ZC4H2: variants seen among roughly 807,000 people sequenced by gnomAD.
The protein encoded by ZC4H2 is zinc finger C4H2-type containing.
For missense variants in ZC4H2, 137 were observed against 173.9 expected (o/e 0.79, Z 1.19); for synonymous variants, 84 against 66.3 (o/e 1.27, Z -1.30).
At chrX:64,978,909 T>C (rs924141829), upstream of ZC4H2, among the ~76,000 whole-genome samples, 3 of 111,419 alleles carry the variant, frequency 2.7e-5, no homozygotes, top group African/African-American at 9.8e-5. Context: ...GATTTTAAAT[T>C]TAATGTCTCT....
chrX:64,937,322 C>T (rs1208451314), intron 1 of ZC4H2, among the ~76,000 whole-genome samples: 1 of 110,882 alleles, frequency 9.0e-6, no homozygotes, highest in Non-Finnish European at 1.9e-5. Flanking sequence ...ACACAGACTC[C>T]CACACAATAA....
At chrX:64,968,530 G>C (rs1240741927) in intron 1 of ZC4H2, among the ~76,000 whole-genome samples, 1 of 111,566 alleles carries the variant, frequency 9.0e-6, no homozygotes, top group Non-Finnish European at 1.9e-5. Context: ...GGAATTGTTG[G>C]ATGCTTCAAT....
intron 1 of ZC4H2, among the ~76,000 whole-genome samples, chrX:65,033,061 G>A (rs967566609): frequency 2.7e-5 from 3 of 112,031 alleles, no homozygotes; most frequent in African/African-American, 9.7e-5. Context: ...ACAGGGGTGA[G>A]CCACCATGCC....
intron 2 of ZC4H2, among the ~76,000 whole-genome samples, chrX:64,921,604 C>G (rs758967910): frequency 9.0e-6 from 1 of 110,993 alleles, no homozygotes; most frequent in Admixed American, 9.6e-5. Flanking sequence ...AAAATGAGGC[C>G]CAGAGAGAAG....
At chrX:65,009,951 C>G (rs1932732230) in intron 1 of ZC4H2, among the ~76,000 whole-genome samples, 1 of 112,038 alleles carries the variant, frequency 8.9e-6, no homozygotes, top group South Asian at 3.7e-4. Flanking sequence ...ACTACATAAC[C>G]TAGGTAGGAA....
chrX:64,957,683 G>A (rs1207372645), intron 1 of ZC4H2, among the ~76,000 whole-genome samples: 5 of 109,053 alleles, frequency 4.6e-5, no homozygotes, highest in South Asian at 8.0e-4. Context: ...AACATAGGAA[G>A]ACCCTATCTC....
chrX:64,973,827 T>C (rs1368794131), intron 1 of ZC4H2, among the ~76,000 whole-genome samples: 1 of 111,751 alleles, frequency 8.9e-6, no homozygotes, highest in Non-Finnish European at 1.9e-5. Flanking sequence ...CAGTTTCTGA[T>C]GATAAATCTG....
intron 4 of ZC4H2, chrX:64,918,772 T>C (rs1929044882): frequency 3.9e-6 from 1 of 258,004 alleles, no homozygotes; most frequent in East Asian, 6.1e-5. Flanking sequence ...CATCTTTGTG[T>C]AAGAGTCATT....
rs1452589804 is a variant in ZC4H2, at chrX:64,954,382, ATT to A, written c.53+21941_53+21942del. Among the ~76,000 whole-genome samples the A allele has an allele frequency of 1.9e-4, 14 of 75,266 alleles. 1 individual carries two copies. The highest frequency in any genetic ancestry group is 1.2e-3 in the African/African-American group (12 of 10,191). 65.4% of individuals were successfully genotyped at this position (75,266 alleles called of 115,157 possible). On this transcript the variant is annotated intron_variant, in intron 1 of 4. Transcript: ENST00000374839. ...TATATATATATATATAATTATATAT[ATT>A]TATAATTATATATATATATGCTCAA... is the stretch of plus-strand genomic sequence containing the variant.
intron 1 of ZC4H2, among the ~76,000 whole-genome samples, chrX:64,974,973 C>CA (rs58569761): frequency 0.12 from 4,229 of 35,704 alleles, 240 homozygotes; most frequent in Non-Finnish European, 0.19. Context: ...ATGCTTTTGC[C>CA]AAAAAAAAAA....
At chrX:64,928,853 C>T (rs773300315) in intron 1 of ZC4H2, among the ~76,000 whole-genome samples, 9 of 101,179 alleles carry the variant, frequency 8.9e-5, no homozygotes, top group Non-Finnish European at 1.8e-4. Context: ...TCCTCCTCCT[C>T]CTTCTCCTTC....
At chrX:64,918,713 C>A (rs764991741) in intron 4 of ZC4H2, 77 of 178,030 alleles carry the variant, frequency 4.3e-4, no homozygotes, top group African/African-American at 2.2e-3. Flanking sequence ...GCTCCTGGAA[C>A]CAGCTTTATA....
chrX:64,965,807 C>G (rs1443566197), intron 1 of ZC4H2, among the ~76,000 whole-genome samples: 1 of 109,216 alleles, frequency 9.2e-6, no homozygotes, highest in Admixed American at 9.8e-5. Context: ...GGCATGGTGG[C>G]ACAAGCCTGT....
chrX:64,919,421 G>T (rs746246230), intron 3 of ZC4H2: 7 of 387,840 alleles, frequency 1.8e-5, no homozygotes, highest in East Asian at 4.2e-5. Flanking sequence ...AGGCCAAGAA[G>T]ACCAAGAAAT....
rs1375845919 is a variant in ZC4H2 at position 64,917,033 on chromosome X, G to A, written c.*750C>T. On this transcript the variant is annotated 3_prime_UTR_variant, in exon 5 of 5. Coordinates refer to ENST00000374839, the MANE Select transcript of ZC4H2 (RefSeq NM_018684.4). ...TCAGCCCTAATGACTTAGGCAGTAGGTTAGGCAGGAGATGTAGAGTTGGTC... is the reference window on the plus strand; with the variant it reads ...TCAGCCCTAATGACTTAGGCAGTAGATTAGGCAGGAGATGTAGAGTTGGTC... The A allele has an allele frequency of 8.9e-6, 1 of 112,081 alleles. No homozygotes were observed. Among genetic ancestry groups the A allele is most frequent in the African/African-American group, 3.3e-5 (1 of 30,739 alleles). The allele number at this position is 112,081 out of a possible 1,213,427, so 9.2% of individuals were successfully genotyped here.
At chrX:64,953,869 G>A (rs776368000) in intron 1 of ZC4H2, among the ~76,000 whole-genome samples, 8 of 111,318 alleles carry the variant, frequency 7.2e-5, no homozygotes, top group East Asian at 2.8e-4. Flanking sequence ...ACATGCACAC[G>A]TATGTTTATT....
intron 1 of ZC4H2, among the ~76,000 whole-genome samples, chrX:64,992,868 T>A (rs1932336672): frequency 9.0e-6 from 1 of 111,668 alleles, no homozygotes; most frequent in East Asian, 2.8e-4. Flanking sequence ...TGGAGCAGAA[T>A]CTTCCCAAAT....
At chrX:64,958,579 C>T (rs1931253808) in intron 1 of ZC4H2, among the ~76,000 whole-genome samples, 1 of 111,631 alleles carries the variant, frequency 9.0e-6, no homozygotes, top group Non-Finnish European at 1.9e-5. Flanking sequence ...CACTTTGCCT[C>T]AATCTCCCCA....
chrX:64,987,508 C>T (rs1301836199), intron 1 of ZC4H2, among the ~76,000 whole-genome samples: 51 of 96,598 alleles, frequency 5.3e-4, no homozygotes, highest in Non-Finnish European at 5.4e-4. Flanking sequence ...ATGATCTTTT[C>T]AACAAATGAT....
Sources: gnomAD v4.1 joint callset for allele counts (sites outside exome capture counted in the v4.1 genomes callset) on GRCh38, gnomAD v4.1.1 for gene constraint, MANE v1.5 for transcripts, NCBI Gene and HGNC (gene_info 2026-07-23, HGNC 2026-07-21) for gene names.